CACNA2D3: variants seen among roughly 807,000 people sequenced by gnomAD.
The protein encoded by CACNA2D3 is voltage-dependent calcium channel subunit alpha-2/delta-3.
Under a neutral mutation model 160.6 loss-of-function variants are expected in CACNA2D3, and 60 were observed. The observed-to-expected ratio is 0.37, with a 90% CI of 0.30 to 0.46. The LOEUF (loss-of-function observed/expected upper bound fraction) is 0.46. CACNA2D3 is among the 20% of genes least tolerant of loss of function. The pLI is 1.00. For synonymous variants in CACNA2D3, 558 were observed against 492.9 expected, an observed-to-expected ratio of 1.13 and a Z score of -1.75; for missense variants, 1,205 against 1,365.0, an observed-to-expected ratio of 0.88 and a Z score of 1.85.
intron 5 of CACNA2D3, among the ~76,000 whole-genome samples, chr3:54,511,346 T>A (rs1356067664): frequency 6.6e-6 from 1 of 152,070 alleles, no homozygotes; most frequent in Non-Finnish European, 1.5e-5. Context: ...AGGCAGGGGC[T>A]GTGTTTTTTT....
chr3:54,657,917 T>C lies in CACNA2D3; in HGVS notation c.1167+15676T>C, dbSNP rs563462605. ...GGTGGCACATGCCTGTAATCCCAGCTACTCAGGAGACTCAAGCGGGAGACT... is the reference window on the plus strand; with the variant it reads ...GGTGGCACATGCCTGTAATCCCAGCCACTCAGGAGACTCAAGCGGGAGACT... On this transcript the variant is annotated intron_variant, in intron 11 of 37. Coordinates refer to ENST00000474759, the MANE Select transcript of CACNA2D3 (RefSeq NM_018398.3). 1.3e-3 allele frequency among the ~76,000 whole-genome samples: 194 copies of C among 152,236 alleles called. 1 individual carries two copies. The highest frequency in any genetic ancestry group is 1.2e-3 in the Non-Finnish European group (82 of 68,016).
At position 54,256,167 on chromosome 3, in the gene CACNA2D3, C is replaced by T. The variant is rs1293836449; in HGVS notation, c.205-64275C>T. Among the ~76,000 whole-genome samples the T allele has an allele frequency of 2.0e-5, 3 of 152,138 alleles. No homozygotes were observed. In the South Asian group the frequency reaches 6.2e-4, roughly 31 times the overall value. On this transcript the variant is annotated intron_variant, in intron 2 of 37. Coordinates refer to ENST00000474759, the MANE Select transcript of CACNA2D3 (RefSeq NM_018398.3). Reference sequence around the variant, plus strand: ...ATTGGTGACACTTTTTCTGGGGGACCTGAAATCTTGTCACTAGGAAGGTGT... The same window carrying T: ...ATTGGTGACACTTTTTCTGGGGGACTTGAAATCTTGTCACTAGGAAGGTGT...
At chr3:54,591,947 C>A (rs1230307328) in intron 9 of CACNA2D3, among the ~76,000 whole-genome samples, 1 of 152,124 alleles carries the variant, frequency 6.6e-6, no homozygotes, top group Non-Finnish European at 1.5e-5. Flanking sequence ...CTGACAAGTT[C>A]TTATGACAGC....
At chr3:54,517,659 G>A (rs903982626) in intron 5 of CACNA2D3, among the ~76,000 whole-genome samples, 1 of 152,202 alleles carries the variant, frequency 6.6e-6, no homozygotes, top group Non-Finnish European at 1.5e-5. Flanking sequence ...GTAAATGTGC[G>A]TCTTCTCTTC....
chr3:54,425,285 C>T (rs764510568), intron 4 of CACNA2D3, among the ~76,000 whole-genome samples: 1 of 152,200 alleles, frequency 6.6e-6, no homozygotes, highest in Non-Finnish European at 1.5e-5. Flanking sequence ...GAGCCGAGAT[C>T]GTGCCATTGC....
intron 13 of CACNA2D3, among the ~76,000 whole-genome samples, chr3:54,775,773 C>A (rs927787421): frequency 2.0e-5 from 3 of 152,168 alleles, no homozygotes; most frequent in Non-Finnish European, 4.4e-5. Context: ...TCTGTCACCT[C>A]TTAGAAAGCA....
intron 11 of CACNA2D3, among the ~76,000 whole-genome samples, chr3:54,680,046 CT>C (rs896541150): frequency 6.6e-6 from 1 of 152,014 alleles, no homozygotes; most frequent in Non-Finnish European, 1.5e-5. Flanking sequence ...TTCTTCTTTC[CT>C]ATATGAACAA....
At chr3:54,816,731 C>T (rs976435991) in intron 13 of CACNA2D3, 122 bp from the exon 14 acceptor site, 9 of 1,043,132 alleles carry the variant, frequency 8.6e-6, no homozygotes, top group Admixed American at 6.6e-5. Context: ...ACCTCTTTTT[C>T]ACTTGTCTCC....
At chr3:54,284,387 A>G (rs1281588709) in intron 2 of CACNA2D3, among the ~76,000 whole-genome samples, 1 of 151,740 alleles carries the variant, frequency 6.6e-6, no homozygotes, top group Admixed American at 6.6e-5. Context: ...TTATATTTGT[A>G]ATATATTATA....
rs192991099 is a variant in CACNA2D3, at chr3:54,230,825, T to C, written c.205-89617T>C. On this transcript the variant is annotated intron_variant, in intron 2 of 37. Coordinates refer to ENST00000474759, the MANE Select transcript of CACNA2D3 (RefSeq NM_018398.3). ...CAAATGGAGGAATTACAAATGCTAA[T>C]TTGTTAAATTGAGCTGTAAACATTT... Among the ~76,000 whole-genome samples the C allele has an allele frequency of 2.6e-5, 4 of 152,354 alleles. No homozygotes were observed. In the East Asian group the frequency reaches 5.8e-4, roughly 22 times the overall value.
chr3:54,806,721 A>G (rs1391592744), intron 13 of CACNA2D3, among the ~76,000 whole-genome samples: 1 of 152,068 alleles, frequency 6.6e-6, no homozygotes, highest in Non-Finnish European at 1.5e-5. Flanking sequence ...TTCATATGGA[A>G]CCAAAAAAGA....
chr3:55,061,896 C>T (rs1374799104), intron 35 of CACNA2D3, among the ~76,000 whole-genome samples: 2 of 151,872 alleles, frequency 1.3e-5, no homozygotes, highest in East Asian at 3.9e-4. Context: ...GCAGTCCTTC[C>T]CAGAAGGAAG....
chr3:54,968,639 C>G (rs1415883610), intron 28 of CACNA2D3, 128 bp downstream of exon 28: 1 of 673,170 alleles, frequency 1.5e-6, no homozygotes, highest in Non-Finnish European at 2.7e-6. Flanking sequence ...GCCGGCTGCT[C>G]AGATTACCTT....
intron 2 of CACNA2D3, among the ~76,000 whole-genome samples, chr3:54,188,162 A>G (rs1700910586): frequency 6.6e-6 from 1 of 152,192 alleles, no homozygotes; most frequent in African/African-American, 2.4e-5. Flanking sequence ...AGCGTAGGTC[A>G]TGGTTGTGCT....
intron 25 of CACNA2D3, chr3:54,896,529 C>A (rs2106879614): frequency 7.6e-6 from 4 of 524,424 alleles, no homozygotes; most frequent in Non-Finnish European, 1.4e-5. Flanking sequence ...AAGGAAAAAT[C>A]ATTTTACCCA....
chr3:54,135,453 G>T (rs938633159), intron 2 of CACNA2D3, among the ~76,000 whole-genome samples: 1 of 152,234 alleles, frequency 6.6e-6, no homozygotes, highest in South Asian at 2.1e-4. Context: ...TTCCCCAGGC[G>T]CAGCCTGCAC....
At position 54,987,712 on chromosome 3, in the gene CACNA2D3, A is replaced by C; in HGVS notation, c.2649A>C (p.Gly883=). 6.2e-7 allele frequency: 1 copy of C among 1,610,908 alleles called. No homozygotes were observed. Reference sequence around the variant, plus strand: ...GAGACTTTTTTGGTGAGATCGAGGGAGCTGTGATGAACAAATTGCTAACAA... The same window carrying C: ...GAGACTTTTTTGGTGAGATCGAGGGCGCTGTGATGAACAAATTGCTAACAA... ...QTGDFFGEIE[G]AVMNKLLTMG... Residue 883 remains glycine, a synonymous_variant, in exon 31 of 38, where the codon GGA becomes GGC. Coordinates refer to ENST00000474759, the MANE Select transcript of CACNA2D3 (RefSeq NM_018398.3).
intron 5 of CACNA2D3, among the ~76,000 whole-genome samples, chr3:54,547,927 C>G (rs1458767479): frequency 3.3e-5 from 5 of 152,120 alleles, no homozygotes; most frequent in Admixed American, 2.6e-4. Flanking sequence ...CTCCTGGCCT[C>G]AAATGATCCT....
At chr3:54,538,261 A>G (rs925818136) in intron 5 of CACNA2D3, among the ~76,000 whole-genome samples, 2 of 152,182 alleles carry the variant, frequency 1.3e-5, no homozygotes, top group Non-Finnish European at 2.9e-5. Flanking sequence ...TGATGTGGAC[A>G]TTAATCAAAT....
Sources: gnomAD v4.1 joint callset for allele counts (sites outside exome capture counted in the v4.1 genomes callset) on GRCh38, gnomAD v4.1.1 for gene constraint, MANE v1.5 for transcripts, NCBI Gene and HGNC (gene_info 2026-07-23, HGNC 2026-07-21) for gene names.